Variants in KIF26B observed in about 807,000 individuals in gnomAD.
KIF26B encodes the protein kinesin family member 26B, also known as kinesin-like protein KIF26B.
In KIF26B, 63 loss-of-function variants were observed where a neutral mutation model predicts 151.2. The ratio of observed to expected loss-of-function variants is 0.42; its 90% CI spans 0.34 to 0.51. The LOEUF (loss-of-function observed/expected upper bound fraction) is 0.51. KIF26B is among the 20% of genes least tolerant of loss of function. KIF26B has a pLI of 0.07. For missense variants in KIF26B, 2,813 were observed against 2,913.6 expected (o/e 0.97, Z 0.79); for synonymous variants, 1,357 against 1,262.1 (o/e 1.08, Z -1.59).
intron 2 of KIF26B, among the ~76,000 whole-genome samples, chr1:245,341,394 A>AC (rs1484651975): frequency 1.4e-5 from 2 of 140,594 alleles, no homozygotes; most frequent in East Asian, 4.2e-4. Flanking sequence ...AGTATGGCTC[A>AC]CCACAGCCTC....
chr1:245,577,283 G>A (rs60861992), intron 5 of KIF26B, among the ~76,000 whole-genome samples: 9,498 of 152,200 alleles, frequency 0.062, 482 homozygotes, highest in East Asian at 0.2. Context: ...CTGGATGCCA[G>A]TAGCACCCTC....
At chr1:245,510,040 A>G (rs924906911) in intron 4 of KIF26B, among the ~76,000 whole-genome samples, 1 of 152,016 alleles carries the variant, frequency 6.6e-6, no homozygotes. Context: ...TGAACAGTGG[A>G]GTGGGGCATG....
chr1:245,195,390 G>A lies in KIF26B; in HGVS notation c.465+38707G>A, dbSNP rs775189677. 7.9e-5 allele frequency among the ~76,000 whole-genome samples: 12 copies of A among 152,288 alleles called. No individual in the cohort carries two copies. The South Asian group carries it at 1.7e-3, about 21-fold the overall frequency. On this transcript the variant is annotated intron_variant, in intron 2 of 14. Transcript: ENST00000407071. ...TTCCACCGTCATTTAAATAGGAGGC[G>A]TGTCGTGATGGTGGGCAACCTTGTT...
At chr1:245,408,398 A>G (rs1286242612) in intron 3 of KIF26B, among the ~76,000 whole-genome samples, 4 of 123,434 alleles carry the variant, frequency 3.2e-5, no homozygotes, top group African/African-American at 1.2e-4. Context: ...TCTGTCACCT[A>G]GGCTGGAGTG....
rs2044160206 is a variant in KIF26B at position 245,662,473 on chromosome 1, T to TAC, written c.2258+16194_2258+16195insCA. ...ATATATATACACCCCATGATACATATATACACACACCCAATATATATATAT... is the reference window on the plus strand; with the variant it reads ...ATATATATACACCCCATGATACATATACATACACACACCCAATATATATATAT... On this transcript the variant is annotated intron_variant, in intron 10 of 14. Transcript: ENST00000407071. Among the ~76,000 whole-genome samples, 4 of 140,340 alleles carry TAC rather than the reference T, an allele frequency of 2.9e-5. No homozygotes were observed. In the Admixed American group the frequency reaches 2.9e-4, roughly 10 times the overall value. The allele number at this position is 140,340 out of a possible 152,430, so 92.1% of individuals were successfully genotyped here.
intron 9 of KIF26B, among the ~76,000 whole-genome samples, chr1:245,622,015 TAGAGTC>T (rs1287065895): frequency 1.3e-5 from 2 of 152,266 alleles, no homozygotes; most frequent in African/African-American, 2.4e-5. Context: ...AATGGACTGT[TAGAGTC>T]AGAATTGGTC....
rs959306980 is a variant in KIF26B at position 245,218,823 on chromosome 1, A to G, written c.465+62140A>G. ...AAAAAGGGAGCTTGGGGCAGAATGA[A>G]CCACTAAAAAGTTATTGGCTCTTAA... On this transcript the variant is annotated intron_variant, in intron 2 of 14. Coordinates refer to ENST00000407071, the MANE Select transcript of KIF26B (RefSeq NM_018012.4). The surrounding 1 kb of genome is among the most constrained non-coding windows in gnomAD (Gnocchi z 4.1). 4.6e-5 allele frequency among the ~76,000 whole-genome samples: 7 copies of G among 152,224 alleles called. No individual in the cohort carries two copies. The highest frequency in any genetic ancestry group is 1.0e-4 in the Non-Finnish European group (7 of 68,042).
At chr1:245,346,709 G>A (rs1672464735) in intron 2 of KIF26B, among the ~76,000 whole-genome samples, 1 of 152,150 alleles carries the variant, frequency 6.6e-6, no homozygotes, top group African/African-American at 2.4e-5. Context: ...CGGTTGTAAA[G>A]ACTGATAATG....
chr1:245,419,532 A>C (rs780504090), intron 3 of KIF26B, 47 bp from the exon 4 acceptor site: 2 of 1,547,008 alleles, frequency 1.3e-6, no homozygotes, highest in South Asian at 2.4e-5. Flanking sequence ...GGTCAGGAAA[A>C]GCAGTGAGCC....
chr1:245,300,218 TAC>T lies in KIF26B; in HGVS notation c.466-66614_466-66613del, dbSNP rs969253586. 4.6e-5 allele frequency among the ~76,000 whole-genome samples: 7 copies of T among 152,344 alleles called. No homozygotes were observed. The South Asian group carries it at 1.2e-3, about 27-fold the overall frequency. On this transcript the variant is annotated intron_variant, in intron 2 of 14. Transcript: ENST00000407071. ...ATAGCAGTTTCTTCTTGTGGGGAAT[TAC>T]AGTCTATTGATTTGCTCAATGCAAG...
intron 5 of KIF26B, among the ~76,000 whole-genome samples, chr1:245,596,007 T>C (rs2043333130): frequency 6.6e-6 from 1 of 152,214 alleles, no homozygotes; most frequent in Non-Finnish European, 1.5e-5. Flanking sequence ...TCAGTGGTGA[T>C]ATCCCCTTTA....
At chr1:245,269,987 G>A (rs142812807) in intron 2 of KIF26B, among the ~76,000 whole-genome samples, 1 of 152,250 alleles carries the variant, frequency 6.6e-6, no homozygotes, top group African/African-American at 2.4e-5. Context: ...AGATCACATG[G>A]TAGTTCTGTT....
intron 4 of KIF26B, among the ~76,000 whole-genome samples, chr1:245,431,855 G>A (rs1572058338): frequency 6.6e-6 from 1 of 152,270 alleles, no homozygotes; most frequent in Non-Finnish European, 1.5e-5. Flanking sequence ...AAAGCAAAAG[G>A]TTTTTCAGTG....
At chr1:245,492,632 T>G (rs1429296381) in intron 4 of KIF26B, among the ~76,000 whole-genome samples, 1 of 152,224 alleles carries the variant, frequency 6.6e-6, no homozygotes, top group Non-Finnish European at 1.5e-5. Context: ...CCAAAGGACA[T>G]TTTTCAAACT....
chr1:245,666,858 G>A (rs1211654300), intron 10 of KIF26B, among the ~76,000 whole-genome samples: 1 of 152,088 alleles, frequency 6.6e-6, no homozygotes, highest in Admixed American at 6.6e-5. Context: ...GGATAGCCTG[G>A]GGGTGGTAAC....
chr1:245,530,466 G>A (rs370563743), intron 4 of KIF26B, among the ~76,000 whole-genome samples: 1 of 152,194 alleles, frequency 6.6e-6, no homozygotes, highest in Non-Finnish European at 1.5e-5. Flanking sequence ...ATAAAGAAAA[G>A]GTGGTACATA....
At chr1:245,590,233 T>G (rs1256340720) in intron 5 of KIF26B, among the ~76,000 whole-genome samples, 1 of 151,254 alleles carries the variant, frequency 6.6e-6, no homozygotes, top group Non-Finnish European at 1.5e-5. Context: ...TCGGGGCCCC[T>G]GGCCGCACCG....
rs182036818 is a variant in KIF26B at position 245,456,105 on chromosome 1, A to T, written c.1166+36360A>T. ...TTCTCATCTTTTTTCATACATCTGT[A>T]GTTATTTTGCAGAATTAGATTCCTG... On this transcript the variant is annotated intron_variant, in intron 4 of 14. Coordinates refer to ENST00000407071, the MANE Select transcript of KIF26B (RefSeq NM_018012.4). Among the ~76,000 whole-genome samples, 12 of 152,300 alleles carry T rather than the reference A, an allele frequency of 7.9e-5. 1 individual carries two copies. In the East Asian group the frequency reaches 1.9e-3, roughly 24 times the overall value.
intron 9 of KIF26B, among the ~76,000 whole-genome samples, chr1:245,634,028 G>T (rs186813298): frequency 6.6e-6 from 1 of 152,114 alleles, no homozygotes; most frequent in Non-Finnish European, 1.5e-5. Flanking sequence ...TGACCAGGCT[G>T]GTCTTGAACT....
Sources: gnomAD v4.1 joint callset for allele counts (sites outside exome capture counted in the v4.1 genomes callset) on GRCh38, gnomAD v4.1.1 for gene constraint, Gnocchi (gnomAD v3.1) non-coding constraint, MANE v1.5 for transcripts, NCBI Gene and HGNC (gene_info 2026-07-23, HGNC 2026-07-21) for gene names.